DAPK1: variants seen among roughly 807,000 people sequenced by gnomAD.
The protein encoded by DAPK1 is death associated protein kinase 1.
Under a neutral mutation model 144.9 loss-of-function variants are expected in DAPK1, and 56 were observed. The ratio of observed to expected loss-of-function variants is 0.39; its 90% confidence interval spans 0.31 to 0.48. DAPK1 has a LOEUF of 0.48. DAPK1 is among the 20% of genes least tolerant of loss of function. The probability of loss-of-function intolerance (pLI) is 0.95; values close to 1 mark genes in which losing one functional copy is unlikely to be tolerated. For synonymous variants in DAPK1, 690 were observed against 749.0 expected (o/e 0.92, Z 1.29); for missense variants, 1,454 against 1,875.4 (o/e 0.78, Z 4.15).
intron 2 of DAPK1, among the ~76,000 whole-genome samples, chr9:87,541,901 G>T (rs896426918): frequency 3.3e-5 from 5 of 151,988 alleles, no homozygotes; most frequent in Non-Finnish European, 7.4e-5. Context: ...TGTTTGTTTG[G>T]GTCTCAGATC....
chr9:87,690,288 G>C (rs902190956), intron 21 of DAPK1, among the ~76,000 whole-genome samples: 1 of 151,850 alleles, frequency 6.6e-6, no homozygotes, highest in African/African-American at 2.4e-5. Flanking sequence ...ATGCCCTCTT[G>C]ATTTCTTTCT....
intron 18 of DAPK1, among the ~76,000 whole-genome samples, chr9:87,666,718 C>T (rs567614988): frequency 3.7e-4 from 56 of 152,206 alleles, no homozygotes; most frequent in African/African-American, 1.2e-3. Flanking sequence ...AGATGATCCA[C>T]CCACCTCAGC....
At chr9:87,619,198 A>G (rs1283063007) in intron 3 of DAPK1, among the ~76,000 whole-genome samples, 2 of 152,136 alleles carry the variant, frequency 1.3e-5, no homozygotes, top group East Asian at 1.9e-4. Flanking sequence ...AGTTAGGTTT[A>G]ATTGTTTTTG....
At position 87,658,613 on chromosome 9, in the gene DAPK1, G is replaced by C. The variant is rs116375297; in HGVS notation, c.1923+486G>C. ...AAGAGTCAGGCATTGCTTTAGGCCT[G>C]TGGAGTATTTTAAGTGAGATTTCTT... On this transcript the variant is annotated intron_variant, in intron 18 of 25. Transcript: ENST00000408954. Among the ~76,000 whole-genome samples, 1,081 of 152,272 alleles carry C rather than the reference G, an allele frequency of 7.1e-3. 8 individuals carry two copies. The highest frequency in any genetic ancestry group is 0.023 in the African/African-American group (968 of 41,556).
intron 2 of DAPK1, among the ~76,000 whole-genome samples, chr9:87,543,902 A>G (rs887993460): frequency 1.3e-5 from 2 of 152,172 alleles, no homozygotes; most frequent in African/African-American, 2.4e-5. Flanking sequence ...AGAAGATTTC[A>G]TGTGGCCTTA....
At chr9:87,650,871 C>CA (rs1428477340) in intron 16 of DAPK1, among the ~76,000 whole-genome samples, 1 of 152,194 alleles carries the variant, frequency 6.6e-6, no homozygotes, top group African/African-American at 2.4e-5. Flanking sequence ...GCCCCCTCGA[C>CA]AGAGAATCAC....
intron 9 of DAPK1, among the ~76,000 whole-genome samples, chr9:87,641,649 A>G (rs1830098460): frequency 6.6e-6 from 1 of 152,190 alleles, no homozygotes; most frequent in Admixed American, 6.5e-5. Flanking sequence ...ACTTGATGAT[A>G]CCCAAGTTCA....
chr9:87,620,052 T>G (rs908322187), intron 3 of DAPK1, among the ~76,000 whole-genome samples: 7 of 152,050 alleles, frequency 4.6e-5, no homozygotes, highest in African/African-American at 1.4e-4. Context: ...CCTCATCTGC[T>G]CTCCTTAGAG....
chr9:87,619,237 T>G (rs1169992161), intron 3 of DAPK1, among the ~76,000 whole-genome samples: 1 of 152,212 alleles, frequency 6.6e-6, no homozygotes, highest in Non-Finnish European at 1.5e-5. Context: ...TTTTTAGGCG[T>G]GTGTCGATTA....
intron 17 of DAPK1, among the ~76,000 whole-genome samples, chr9:87,656,538 C>G (rs1333332842): frequency 6.6e-6 from 1 of 152,200 alleles, no homozygotes; most frequent in African/African-American, 2.4e-5. Flanking sequence ...CTCTAGGATG[C>G]TTGAAAGCTT....
chr9:87,705,474 G>A (rs1004405850), intron 25 of DAPK1, among the ~76,000 whole-genome samples: 6 of 151,876 alleles, frequency 4.0e-5, no homozygotes, highest in Non-Finnish European at 8.8e-5. Context: ...CACCCGCCTC[G>A]GCCTCCCAAA....
intron 2 of DAPK1, among the ~76,000 whole-genome samples, chr9:87,541,575 A>C (rs1826056776): frequency 1.3e-5 from 2 of 151,924 alleles, no homozygotes; most frequent in African/African-American, 4.8e-5. Flanking sequence ...AAAGATGGAG[A>C]AAGACTTTAT....
At chr9:87,663,015 T>A (rs1234637710) in intron 18 of DAPK1, among the ~76,000 whole-genome samples, 1 of 151,988 alleles carries the variant, frequency 6.6e-6, no homozygotes, top group Non-Finnish European at 1.5e-5. Flanking sequence ...CCTCCTACCC[T>A]CCAGAAGCAA....
intron 2 of DAPK1, among the ~76,000 whole-genome samples, chr9:87,592,156 C>G (rs1828159618): frequency 6.6e-6 from 1 of 152,112 alleles, no homozygotes; most frequent in African/African-American, 2.4e-5. Flanking sequence ...CATGTTGACC[C>G]CAGCTCTGCA....
intron 2 of DAPK1, among the ~76,000 whole-genome samples, chr9:87,545,570 G>T (rs1826219213): frequency 6.6e-6 from 1 of 152,082 alleles, no homozygotes; most frequent in African/African-American, 2.4e-5. Context: ...TTTTGAGATG[G>T]AGTTTTGCTC....
At chr9:87,633,934 AGGGGGCAGGAAT>A (rs1829797867) in intron 3 of DAPK1, among the ~76,000 whole-genome samples, 1 of 152,204 alleles carries the variant, frequency 6.6e-6, no homozygotes, top group Admixed American at 6.5e-5. Flanking sequence ...GAAGAGGAGA[AGGGGGCAGGAAT>A]GGGTTTAGTG....
intron 3 of DAPK1, among the ~76,000 whole-genome samples, chr9:87,633,885 G>T (rs916562912): frequency 6.6e-6 from 1 of 152,164 alleles, no homozygotes; most frequent in Non-Finnish European, 1.5e-5. Context: ...GAGTGTGCAT[G>T]GTGTTTATTA....
intron 2 of DAPK1, among the ~76,000 whole-genome samples, chr9:87,571,476 A>ACACACACCCCAACACACAC (rs771023885): frequency 2.7e-4 from 13 of 48,560 alleles, no homozygotes; most frequent in Non-Finnish European, 3.7e-4. Flanking sequence ...CACACACACC[A>ACACACACCCCAACACACAC]ACACACACAC....
rs1462324973 is a variant in DAPK1 at position 87,589,566 on chromosome 9, A to G, written c.63-15388A>G. ...AGCACCATCAAGTACTTTTTTTTTT[A>G]TATGAACTGCTATTGTGCTAGGCCT... is the stretch of plus-strand genomic sequence containing the variant. On this transcript the variant is annotated intron_variant, in intron 2 of 25. Transcript: ENST00000408954. Among the ~76,000 whole-genome samples the G allele has an allele frequency of 4.5e-5, 6 of 132,032 alleles. No homozygotes were observed. The East Asian group carries it at 9.0e-4, about 20-fold the overall frequency. 86.6% of individuals were successfully genotyped at this position (132,032 alleles called of 152,430 possible).
Sources: allele counts gnomAD v4.1 joint callset (sites outside exome capture counted in the v4.1 genomes callset), GRCh38; gene constraint gnomAD v4.1.1; transcripts MANE v1.5; gene names NCBI Gene and HGNC (gene_info 2026-07-23, HGNC 2026-07-21).